The following ACOXL variants were observed in gnomAD, a reference collection of about 807,000 sequenced individuals.
The protein encoded by ACOXL is acyl-coenzyme A oxidase-like protein.
Under a neutral mutation model 71.9 loss-of-function variants are expected in ACOXL, and 70 were observed. That is an observed-to-expected ratio of 0.97 (90% CI 0.80 to 1.19). The LOEUF (loss-of-function observed/expected upper bound fraction) is 1.19, where lower values mean the gene tolerates loss of function less well. Among genes scored for constraint, ACOXL ranks in the 50% most tolerant of loss-of-function variants. The pLI, the probability that ACOXL is intolerant of heterozygous loss-of-function variation, is 0.00. For missense variants in ACOXL, 703 were observed against 736.3 expected (o/e 0.95, Z 0.52); for synonymous variants, 253 against 281.6 (o/e 0.90, Z 1.02).
At chr2:111,008,170 T>C (rs1373006605) in intron 14 of ACOXL, among the ~76,000 whole-genome samples, 2 of 152,236 alleles carry the variant, frequency 1.3e-5, no homozygotes, top group African/African-American at 4.8e-5. Flanking sequence ...TTTTATTACT[T>C]ATAACAAGTT....
At chr2:111,000,325 C>T (rs906511334) in intron 14 of ACOXL, among the ~76,000 whole-genome samples, 9 of 152,122 alleles carry the variant, frequency 5.9e-5, no homozygotes, top group Admixed American at 4.6e-4. Flanking sequence ...GATGTCCATC[C>T]CGCAAGTTGA....
Position 110,962,807 on chromosome 2 carries a change from G to A in ACOXL, c.1060-24301G>A, listed in dbSNP as rs944472061. Among the ~76,000 whole-genome samples, 11 of 152,222 alleles carry A rather than the reference G, an allele frequency of 7.2e-5. No homozygotes were observed. The East Asian group carries it at 1.9e-3, about 27-fold the overall frequency. On this transcript the variant is annotated intron_variant, in intron 12 of 17. Transcript: ENST00000439055. ...CACATACTCCTGGGAGAAGTAACAG[G>A]ACAGTCAGCTCTGACGTGACTGACA... is the stretch of plus-strand genomic sequence containing the variant.
In ACOXL at chr2:111,116,480, C is replaced by A. The variant is rs560018059; in HGVS notation, c.1543-1136C>A. Among the ~76,000 whole-genome samples, 369 of 152,256 alleles carry A rather than the reference C, an allele frequency of 2.4e-3. 3 individuals are homozygous for A. Among genetic ancestry groups the A allele is most frequent in the Non-Finnish European group, 3.2e-3 (217 of 68,034 alleles). ...TTTCCTCCACCTTCCTCCTTGGGAC[C>A]TCACTGAAAACCTGAAATGCTCTGA... On this transcript the variant is annotated intron_variant, in intron 17 of 17. Transcript: ENST00000439055.
At position 110,732,702 on chromosome 2, in the gene ACOXL, C is replaced by G. The variant is rs79918262; in HGVS notation, c.-95C>G. The G allele has an allele frequency of 0.027, 4,062 of 152,588 alleles. 81 individuals are homozygous for G. The highest frequency in any genetic ancestry group is 0.057 in the East Asian group (292 of 5,150). 9.5% of individuals were successfully genotyped at this position (152,588 alleles called of 1,614,324 possible). ...CGGGGACTCCTCCCTGCACCGCTAC[C>G]TGGACGGCGACTTCTGGAGCCTCAA... On this transcript the variant is annotated 5_prime_UTR_variant, in exon 1 of 18. Transcript: ENST00000439055.
At position 111,083,861 on chromosome 2, in the gene ACOXL, T is replaced by C. The variant is rs186125265; in HGVS notation, c.1441-9004T>C. Among the ~76,000 whole-genome samples, 24 of 152,304 alleles carry C rather than the reference T, an allele frequency of 1.6e-4. No homozygotes were observed. In the East Asian group the frequency reaches 4.0e-3, roughly 26 times the overall value. On this transcript the variant is annotated intron_variant, in intron 16 of 17. Coordinates refer to ENST00000439055, the MANE Select transcript of ACOXL (RefSeq NM_001142807.4). ...GTCTACAACTTTTAGCTTTCGGAAT[T>C]ATTATGAGGACTAAATGAGGTGGAT... is the stretch of plus-strand genomic sequence containing the variant.
chr2:111,057,316 G>T (rs145636285), intron 16 of ACOXL, among the ~76,000 whole-genome samples: 11 of 152,316 alleles, frequency 7.2e-5, no homozygotes, highest in Non-Finnish European at 1.6e-4. Flanking sequence ...GCCCCAGACA[G>T]CTGCCTTCCC....
At chr2:110,980,001 CAG>C (rs770513371) in intron 12 of ACOXL, among the ~76,000 whole-genome samples, 20 of 152,164 alleles carry the variant, frequency 1.3e-4, no homozygotes, top group Non-Finnish European at 2.2e-4. Context: ...GGGTGAGTCA[CAG>C]AGCCTTGCAC....
chr2:110,811,419 CAG>C (rs1376720250), intron 9 of ACOXL, among the ~76,000 whole-genome samples: 2 of 152,106 alleles, frequency 1.3e-5, no homozygotes, highest in African/African-American at 2.4e-5. Context: ...TGTGGCATAA[CAG>C]AGGGTGATGG....
At chr2:111,049,135 A>G in intron 15 of ACOXL, 83 bp from the exon 16 acceptor site, 6 of 1,087,706 alleles carry the variant, frequency 5.5e-6, no homozygotes, top group Non-Finnish European at 8.4e-6. Flanking sequence ...TACGTCTGTT[A>G]TAACCACAGT....
chr2:110,968,345 C>G (rs2062022778), intron 12 of ACOXL: 1 of 1,160,758 alleles, frequency 8.6e-7, no homozygotes, highest in East Asian at 2.3e-5. Context: ...GCTGGAGGCT[C>G]ATCTGTCTCT....
chr2:110,897,918 G>A (rs1233908782), intron 10 of ACOXL, among the ~76,000 whole-genome samples: 2 of 152,100 alleles, frequency 1.3e-5, no homozygotes, highest in Non-Finnish European at 2.9e-5. Flanking sequence ...GGATATTATT[G>A]TAGACACTGA....
At chr2:110,785,469 C>G (rs192928045) in intron 3 of ACOXL, among the ~76,000 whole-genome samples, 7 of 151,410 alleles carry the variant, frequency 4.6e-5, no homozygotes, top group Non-Finnish European at 8.8e-5. Context: ...TAGAACTGTT[C>G]CATCATCAGA....
chr2:110,915,629 T>C (rs1249273421), intron 11 of ACOXL, among the ~76,000 whole-genome samples: 1 of 151,670 alleles, frequency 6.6e-6, no homozygotes, highest in African/African-American at 2.4e-5. Flanking sequence ...GTTTTCACCA[T>C]GCTGGCCAGG....
At chr2:110,894,332 CA>C (rs11403220) in intron 10 of ACOXL, among the ~76,000 whole-genome samples, 1,694 of 120,490 alleles carry the variant, frequency 0.014, 19 homozygotes, top group African/African-American at 0.045. Flanking sequence ...AGGAACAGAC[CA>C]AAAAAAAAAA....
intron 1 of ACOXL, among the ~76,000 whole-genome samples, chr2:110,754,484 C>A (rs539848754): frequency 5.3e-5 from 8 of 152,292 alleles, no homozygotes; most frequent in African/African-American, 1.9e-4. Context: ...GAATCAGAAT[C>A]CCCATAGTCC....
At chr2:110,969,742 C>T (rs2062097306) in intron 12 of ACOXL, among the ~76,000 whole-genome samples, 1 of 151,282 alleles carries the variant, frequency 6.6e-6, no homozygotes, top group Non-Finnish European at 1.5e-5. Flanking sequence ...GCTTGGGGTG[C>T]AGAGGCTGCA....
At chr2:110,755,493 G>A (rs1679552472) in intron 1 of ACOXL, among the ~76,000 whole-genome samples, 1 of 152,210 alleles carries the variant, frequency 6.6e-6, no homozygotes, top group Non-Finnish European at 1.5e-5. Flanking sequence ...TATGCATGTT[G>A]CTTAGGGGAT....
At chr2:110,826,365 A>G (rs2105572306) in intron 9 of ACOXL, among the ~76,000 whole-genome samples, 1 of 152,254 alleles carries the variant, frequency 6.6e-6, no homozygotes, top group African/African-American at 2.4e-5. Context: ...TAGCTGTGTG[A>G]CCTTAGGCAA....
chr2:111,030,819 G>C (rs571994162), intron 14 of ACOXL, among the ~76,000 whole-genome samples: 4 of 152,076 alleles, frequency 2.6e-5, no homozygotes, highest in African/African-American at 9.7e-5. Context: ...AAAGTTTTAC[G>C]GGCCACATTT....
Sources: gnomAD v4.1 joint callset for allele counts (sites outside exome capture counted in the v4.1 genomes callset) on GRCh38, gnomAD v4.1.1 for gene constraint, MANE v1.5 for transcripts, NCBI Gene and HGNC (gene_info 2026-07-23, HGNC 2026-07-21) for gene names.